Variants in PTPRT observed in about 807,000 individuals in gnomAD.
PTPRT encodes receptor-type tyrosine-protein phosphatase T.
PTPRT carries 56 observed loss-of-function variants against 176.8 expected under a neutral mutation model. The ratio of observed to expected loss-of-function variants is 0.32; its 90% CI spans 0.26 to 0.40. The LOEUF is 0.40. Ranked by LOEUF, PTPRT falls within the 10% of genes least tolerant of loss-of-function variation. The pLI is 1.00. For missense variants in PTPRT, 1,540 were observed against 1,908.2 expected (o/e 0.81, Z 3.60); for synonymous variants, 783 against 739.0 (o/e 1.06, Z -0.96).
intron 1 of PTPRT, among the ~76,000 whole-genome samples, chr20:42,916,036 C>T (rs1435255943): frequency 1.3e-5 from 2 of 152,004 alleles, no homozygotes; most frequent in Non-Finnish European, 2.9e-5. Flanking sequence ...CATATGTATA[C>T]ATGTGCCATG....
At chr20:42,853,687 T>C (rs1372009079) in intron 2 of PTPRT, among the ~76,000 whole-genome samples, 1 of 152,206 alleles carries the variant, frequency 6.6e-6, no homozygotes, top group Non-Finnish European at 1.5e-5. Context: ...GCTAATCTCA[T>C]CTAGAAACAC....
intron 16 of PTPRT, among the ~76,000 whole-genome samples, chr20:42,164,801 G>A (rs1989758011): frequency 6.6e-6 from 1 of 152,144 alleles, no homozygotes; most frequent in African/African-American, 2.4e-5. Flanking sequence ...AATTCAACAA[G>A]GGCACTGGAA....
chr20:42,538,599 G>A (rs778919745), intron 7 of PTPRT, among the ~76,000 whole-genome samples: 19 of 152,138 alleles, frequency 1.2e-4, no homozygotes, highest in Admixed American at 1.2e-3. Context: ...GTCACATGGC[G>A]ATTAATCTAT....
chr20:42,235,355 G>A (rs1170223374), intron 15 of PTPRT, among the ~76,000 whole-genome samples: 3 of 151,926 alleles, frequency 2.0e-5, no homozygotes, highest in African/African-American at 2.4e-5. Context: ...CTCCGCCCTG[G>A]GTTCAAGCAA....
At chr20:42,940,820 G>A (rs1980493635) in intron 1 of PTPRT, among the ~76,000 whole-genome samples, 1 of 152,128 alleles carries the variant, frequency 6.6e-6, no homozygotes, top group African/African-American at 2.4e-5. Flanking sequence ...GGTGGCTCAT[G>A]CCTGTAATCC....
chr20:42,283,057 T>C (rs1425284853), intron 12 of PTPRT, among the ~76,000 whole-genome samples: 1 of 152,190 alleles, frequency 6.6e-6, no homozygotes, highest in Non-Finnish European at 1.5e-5. Flanking sequence ...CCTGAGCTCT[T>C]GTGTGGGCCT....
intron 1 of PTPRT, among the ~76,000 whole-genome samples, chr20:42,913,001 C>A (rs1313619486): frequency 6.6e-6 from 1 of 151,802 alleles, no homozygotes; most frequent in Non-Finnish European, 1.5e-5. Flanking sequence ...CCTCTTACTA[C>A]GGATGGCCTT....
At chr20:42,841,773 C>T (rs2078283255) in intron 2 of PTPRT, among the ~76,000 whole-genome samples, 1 of 152,166 alleles carries the variant, frequency 6.6e-6, no homozygotes, top group Non-Finnish European at 1.5e-5. Flanking sequence ...ATATATCACA[C>T]ATGTGGGTAT....
chr20:42,482,411 G>T (rs1406409808), intron 7 of PTPRT, among the ~76,000 whole-genome samples: 1 of 152,160 alleles, frequency 6.6e-6, no homozygotes, highest in African/African-American at 2.4e-5. Context: ...TAGGGCAGTT[G>T]TAACAGTATG....
At chr20:42,091,450 A>G (rs577698201) in intron 27 of PTPRT, among the ~76,000 whole-genome samples, 2 of 152,332 alleles carry the variant, frequency 1.3e-5, no homozygotes, top group Non-Finnish European at 2.9e-5. Context: ...ATTTCAGTGC[A>G]CCTTAGTTAT....
At chr20:42,891,465 C>T (rs1283637887) in intron 1 of PTPRT, among the ~76,000 whole-genome samples, 3 of 152,116 alleles carry the variant, frequency 2.0e-5, no homozygotes, top group Non-Finnish European at 2.9e-5. Flanking sequence ...AAAACTGTAG[C>T]AAGGAAATTG....
chr20:42,339,468 G>T (rs959036486), intron 11 of PTPRT, among the ~76,000 whole-genome samples: 1 of 152,116 alleles, frequency 6.6e-6, no homozygotes, highest in African/African-American at 2.4e-5. Context: ...AAACTCAACA[G>T]GGGCAACTTC....
chr20:43,047,706 T>TGAC (rs1255896970), intron 1 of PTPRT, among the ~76,000 whole-genome samples: 1 of 149,402 alleles, frequency 6.7e-6, no homozygotes. Flanking sequence ...ATGATGATGA[T>TGAC]GACACCGATG....
chr20:42,226,963 C>G (rs140634819), intron 15 of PTPRT, among the ~76,000 whole-genome samples: 2 of 152,166 alleles, frequency 1.3e-5, no homozygotes, highest in East Asian at 3.9e-4. Context: ...TATCAGTGGG[C>G]AACAAAGTAA....
chr20:42,991,549 G>A (rs957396570), intron 1 of PTPRT, among the ~76,000 whole-genome samples: 1 of 151,958 alleles, frequency 6.6e-6, no homozygotes, highest in African/African-American at 2.4e-5. Flanking sequence ...TGGTTTCCAG[G>A]GACTGGTGGG....
intron 16 of PTPRT, among the ~76,000 whole-genome samples, chr20:42,167,497 T>C (rs6030023): frequency 0.33 from 49,816 of 152,106 alleles, 8,775 homozygotes; most frequent in East Asian, 0.38. Flanking sequence ...CTTAACTAGC[T>C]AATCAAATTC....
chr20:42,057,945 A>G, the PTPRT span, among the ~76,000 whole-genome samples: 1 of 152,164 alleles, frequency 6.6e-6, no homozygotes, highest in African/African-American at 2.4e-5. Context: ...GGAAACATCA[A>G]ACAATTAGGG....
At chr20:42,774,183 C>A (rs2077101775) in intron 4 of PTPRT, among the ~76,000 whole-genome samples, 1 of 152,162 alleles carries the variant, frequency 6.6e-6, no homozygotes, top group African/African-American at 2.4e-5. Context: ...TAAAGTCGTT[C>A]AGCTGTAAAA....
At chr20:42,184,541 C>CTCCTCTTCTTCTTCTTCT (rs1990661146) in intron 16 of PTPRT, among the ~76,000 whole-genome samples, 2 of 91,548 alleles carry the variant, frequency 2.2e-5, no homozygotes, top group South Asian at 5.2e-4. Flanking sequence ...CTTCCTCTTC[C>CTCCTCTTCTTCTTCTTCT]TCTTCTTCTT....
Sources: allele counts gnomAD v4.1 joint callset (sites outside exome capture counted in the v4.1 genomes callset), GRCh38; gene constraint gnomAD v4.1.1; transcripts MANE v1.5; gene names NCBI Gene and HGNC (gene_info 2026-07-23, HGNC 2026-07-21).